Variants in CPA1 observed in about 807,000 individuals in gnomAD.
CPA1 encodes carboxypeptidase A1 (pancreatic).
CPA1 carries 42 observed loss-of-function variants against 48.7 expected under a neutral mutation model. That is an observed-to-expected ratio of 0.86 (90% CI 0.67 to 1.11). The LOEUF (loss-of-function observed/expected upper bound fraction) is 1.11. Ranked by LOEUF, CPA1 falls within the 50% of genes most tolerant of loss-of-function variation. The probability of loss-of-function intolerance (pLI) is 0.00; values close to 1 mark genes in which losing one functional copy is unlikely to be tolerated. For missense variants in CPA1, 477 were observed against 544.7 expected, an observed-to-expected ratio of 0.88 and a Z score of 1.24; for synonymous variants, 203 against 217.9, an observed-to-expected ratio of 0.93 and a Z score of 0.60.
chr7:130,381,277 A>T, intron 2 of CPA1, 98 bp downstream of exon 2: 1 of 783,028 alleles, frequency 1.3e-6, no homozygotes, highest in Non-Finnish European at 2.1e-6. Context: ...GTCTCCACCC[A>T]ACAAGGAGAC....
chr7:130,382,955 A>AT (rs1348417349), intron 4 of CPA1, among the ~76,000 whole-genome samples: 4 of 150,920 alleles, frequency 2.7e-5, no homozygotes, highest in African/African-American at 9.8e-5. Flanking sequence ...TAATTTTTAT[A>AT]TTTTTAGTAG....
At chr7:130,380,751 T>A in intron 1 of CPA1, 166 bp downstream of exon 1, 1 of 477,878 alleles carries the variant, frequency 2.1e-6, no homozygotes, top group Non-Finnish European at 3.7e-6. Context: ...TGGGAAGAGG[T>A]TGTGTCTCCC....
Position 130,387,729 on chromosome 7 carries a change from C to A in CPA1, c.1073-95C>A. On this transcript the variant is annotated intron_variant, in intron 9 of 9. Transcript: ENST00000011292. This position sits in a 1 kb window ranked among gnomAD's most constrained non-coding sequence, Gnocchi z 4.6. ...TGACTCCACTCAGCATTGCACAAGG[C>A]ACAGAGCTTTGGACAGGGTTGGATC... 1 of 1,140,884 alleles carries A rather than the reference C, an allele frequency of 8.8e-7. No homozygotes were observed. The highest frequency in any genetic ancestry group is 1.3e-6 in the Non-Finnish European group (1 of 775,948). The allele number at this position is 1,140,884 out of a possible 1,614,324, so 70.7% of individuals were successfully genotyped here.
rs1554411301 is a variant in CPA1 at position 130,382,102 on chromosome 7, C to T, written c.382-6C>T. On this transcript the variant is annotated splice_polypyrimidine_tract_variant and splice_region_variant and intron_variant, in intron 3 of 9. Coordinates refer to ENST00000011292, the MANE Select transcript of CPA1 (RefSeq NM_001868.4). ...AAGGCCAGTGGTCTCTTCTTTCACA[C>T]CTCAGATCTATGACTTCCTGGACCT... The T allele has an allele frequency of 6.2e-7, 1 of 1,612,762 alleles. No homozygotes were observed. Among genetic ancestry groups the T allele is most frequent in the Non-Finnish European group, 8.5e-7 (1 of 1,178,850 alleles).
chr7:130,384,441 A>G, intron 6 of CPA1, 95 bp from the exon 7 acceptor site: 1 of 1,070,984 alleles, frequency 9.3e-7, no homozygotes. Context: ...CCCTCAGTCC[A>G]CTCTGCTCTC....
At chr7:130,384,163 A>G (rs1729081208) in intron 6 of CPA1, 1 of 426,274 alleles carries the variant, frequency 2.3e-6, no homozygotes, top group Admixed American at 3.9e-5. Flanking sequence ...TCCTGGTCCT[A>G]CTTCTATTTT....
intron 3 of CPA1, 52 bp downstream of exon 3, chr7:130,381,915 G>T: frequency 6.4e-7 from 1 of 1,551,060 alleles, no homozygotes; most frequent in Non-Finnish European, 8.8e-7. Flanking sequence ...CTTCATCATG[G>T]CTGGTAGAAC....
chr7:130,383,513 A>G, intron 5 of CPA1, 21 bp downstream of exon 5: 1 of 1,594,180 alleles, frequency 6.3e-7, no homozygotes, highest in South Asian at 1.1e-5. Context: ...GGAGGTGAGG[A>G]GGGCTCTCAC....
chr7:130,382,254 C>T (rs782224469), intron 4 of CPA1, 45 bp downstream of exon 4: 14 of 1,452,878 alleles, frequency 9.6e-6, no homozygotes, highest in East Asian at 9.1e-5. Context: ...TGGACCCACA[C>T]GTGGCATCCG....
In CPA1 at chr7:130,387,492, G is replaced by A. The variant is rs2117508731; in HGVS notation, c.1073-332G>A. 6.6e-6 allele frequency among the ~76,000 whole-genome samples: 1 copy of A among 152,280 alleles called. No individual in the cohort carries two copies. Among genetic ancestry groups the A allele is most frequent in the Admixed American group, 6.5e-5 (1 of 15,310 alleles). ...GGAACAAATCCTGGTTACCCAAGCA[G>A]GGAACTCGGTATATTTAGGGGCTTC... is the stretch of plus-strand genomic sequence containing the variant. On this transcript the variant is annotated intron_variant, in intron 9 of 9. Transcript: ENST00000011292. The surrounding 1 kb of genome is among the most constrained non-coding windows in gnomAD (Gnocchi z 4.6).
chr7:130,380,612 C>G, intron 1 of CPA1, 27 bp downstream of exon 1: 1 of 1,246,444 alleles, frequency 8.0e-7, no homozygotes, highest in Non-Finnish European at 1.0e-6. Context: ...GAGGGGGTGC[C>G]CTCTGAGGGT....
At position 130,384,947 on chromosome 7, in the gene CPA1, G is replaced by A. The variant is rs78978361; in HGVS notation, c.788-199G>A. On this transcript the variant is annotated intron_variant, in intron 7 of 9. Transcript: ENST00000011292. ...TGAGGAGCCCGTCTTCCCTCCCTGGGTGTGTCCATCAGCTCTGCCCAAACC... is the reference window on the plus strand; with the variant it reads ...TGAGGAGCCCGTCTTCCCTCCCTGGATGTGTCCATCAGCTCTGCCCAAACC... 1.5e-4 allele frequency: 91 copies of A among 623,366 alleles called. No individual in the cohort carries two copies. The East Asian group carries it at 2.5e-3, about 17-fold the overall frequency. The allele number at this position is 623,366 out of a possible 1,614,324, so 38.6% of individuals were successfully genotyped here. A position where few individuals can be genotyped will look rare whatever the true frequency, so the allele number is the denominator to read the frequency against.
intron 6 of CPA1, 165 bp downstream of exon 6, chr7:130,383,959 G>T: frequency 1.6e-6 from 1 of 639,018 alleles, no homozygotes; most frequent in Non-Finnish European, 2.8e-6. Flanking sequence ...GGCATTTGGG[G>T]TGAATGATTC....
intron 9 of CPA1, among the ~76,000 whole-genome samples, chr7:130,386,788 A>G (rs1429289644): frequency 2.0e-5 from 3 of 152,346 alleles, no homozygotes; most frequent in South Asian, 2.1e-4. Flanking sequence ...ATGAACATAA[A>G]TAAGTAAATG....
At position 130,384,516 on chromosome 7, in the gene CPA1, G is replaced by A. The variant is rs1554411711; in HGVS notation, c.697-20G>A. The A allele has an allele frequency of 6.2e-7, 1 of 1,611,352 alleles. No individual in the cohort carries two copies. The highest frequency in any genetic ancestry group is 1.1e-5 in the South Asian group (1 of 91,014). ...GCGTCACACGTGCCTCGGGGTGGCT[G>A]ATCCCATTTCCTTCCTCAGAATCGC... On this transcript the variant is annotated intron_variant, in intron 6 of 9. Transcript: ENST00000011292.
chr7:130,386,975 G>A (rs1392535674), intron 9 of CPA1, among the ~76,000 whole-genome samples: 2 of 152,224 alleles, frequency 1.3e-5, no homozygotes, highest in Non-Finnish European at 2.9e-5. Context: ...CAGCCAGGAG[G>A]CTATCCAGCT....
At chr7:130,380,804 G>T in intron 1 of CPA1, 1 of 553,480 alleles carries the variant, frequency 1.8e-6, no homozygotes. Flanking sequence ...GCTCTGAGGA[G>T]GAGTTTTCAG....
chr7:130,381,239 G>C, intron 2 of CPA1, 60 bp downstream of exon 2: 1 of 1,268,890 alleles, frequency 7.9e-7, no homozygotes, highest in Non-Finnish European at 1.1e-6. Flanking sequence ...GCCACCCCAG[G>C]TCCCCAGCGG....
Position 130,385,865 on chromosome 7 carries a change from A to G in CPA1, c.1014A>G (p.Thr338=). 1 of 1,614,140 alleles carries G rather than the reference A, an allele frequency of 6.2e-7. No homozygotes were observed. The highest frequency in any genetic ancestry group is 8.5e-7 in the Non-Finnish European group (1 of 1,180,014). The change falls in exon 9 of 10, where the codon ACA becomes ACG. Residue 338 remains threonine (T), a synonymous_variant. Coordinates refer to ENST00000011292, the MANE Select transcript of CPA1 (RefSeq NM_001868.4). ...ELDQLSKAAV[T]ALASLYGTKF... Reference sequence around the variant, plus strand: ...ATCAGCTTTCCAAGGCTGCTGTGACAGCCCTGGCCTCTCTCTACGGGACCA... The same window carrying G: ...ATCAGCTTTCCAAGGCTGCTGTGACGGCCCTGGCCTCTCTCTACGGGACCA...
Sources: allele counts gnomAD v4.1 joint callset (sites outside exome capture counted in the v4.1 genomes callset), GRCh38; gene constraint gnomAD v4.1.1; non-coding constraint Gnocchi (gnomAD v3.1); transcripts MANE v1.5; gene names NCBI Gene and HGNC (gene_info 2026-07-23, HGNC 2026-07-21).